PCOLCE2: variants seen among roughly 807,000 people sequenced by gnomAD.
PCOLCE2 encodes the protein procollagen C-endopeptidase enhancer 2, also known as procollagen C-proteinase enhancer 2.
Under a neutral mutation model 47.0 loss-of-function variants are expected in PCOLCE2, and 42 were observed. That is an observed-to-expected ratio of 0.89 (90% CI 0.70 to 1.16). PCOLCE2 has a LOEUF of 1.16. PCOLCE2 is among the 50% of genes most tolerant of loss of function. The pLI, the probability that PCOLCE2 is intolerant of heterozygous loss-of-function variation, is 0.00. For missense variants in PCOLCE2, 500 were observed against 526.1 expected, an observed-to-expected ratio of 0.95 and a Z score of 0.49; for synonymous variants, 169 against 191.7, an observed-to-expected ratio of 0.88 and a Z score of 0.98.
chr3:142,830,568 T>C (rs964348448), intron 5 of PCOLCE2, among the ~76,000 whole-genome samples: 1 of 152,240 alleles, frequency 6.6e-6, no homozygotes, highest in Non-Finnish European at 1.5e-5. Flanking sequence ...GTGATGAATC[T>C]GTTTTGGTGT....
intron 6 of PCOLCE2, among the ~76,000 whole-genome samples, chr3:142,825,146 G>C (rs1937060510): frequency 6.6e-6 from 1 of 152,174 alleles, no homozygotes; most frequent in African/African-American, 2.4e-5. Flanking sequence ...TAAATTTATG[G>C]AATTAAATTT....
intron 2 of PCOLCE2, 148 bp from the exon 3 acceptor site, chr3:142,848,620 C>T (rs1490447501): frequency 6.1e-6 from 4 of 656,084 alleles, no homozygotes; most frequent in Non-Finnish European, 7.4e-6. Flanking sequence ...GGGAAGTTTT[C>T]TAGCATATTG....
chr3:142,885,824 T>C (rs978445929), intron 2 of PCOLCE2, among the ~76,000 whole-genome samples: 4 of 152,082 alleles, frequency 2.6e-5, no homozygotes, highest in Non-Finnish European at 5.9e-5. Context: ...AAAACAAAAT[T>C]CAAACTCTCC....
chr3:142,886,575 T>C (rs1207835334), intron 2 of PCOLCE2, among the ~76,000 whole-genome samples: 1 of 152,208 alleles, frequency 6.6e-6, no homozygotes, highest in Admixed American at 6.5e-5. Flanking sequence ...ATGTAAGAGC[T>C]GAGTTTTATA....
intron 2 of PCOLCE2, among the ~76,000 whole-genome samples, chr3:142,878,339 C>T (rs1933540483): frequency 6.6e-6 from 1 of 152,028 alleles, no homozygotes; most frequent in African/African-American, 2.4e-5. Context: ...CTCTCGTGAT[C>T]GACCAAATAA....
At chr3:142,888,689 G>A (rs1324784602) in intron 1 of PCOLCE2, 125 bp downstream of exon 1, 6 of 535,286 alleles carry the variant, frequency 1.1e-5, no homozygotes, top group Middle Eastern at 4.1e-4. Flanking sequence ...CACCGCGCGG[G>A]AGCGCAGGGT....
chr3:142,818,100 C>G lies in PCOLCE2; in HGVS notation c.*235G>C, dbSNP rs1469285914. The G allele has an allele frequency of 2.5e-6, 1 of 399,076 alleles. No individual in the cohort carries two copies. The highest frequency in any genetic ancestry group is 4.0e-5 in the East Asian group (1 of 25,040). 24.7% of individuals were successfully genotyped at this position (399,076 alleles called of 1,614,324 possible). ...CTTGACACTTTTAGCTTCCTATCAC[C>G]GCACTAAGTCGGCAGGTTTCCAATC... is the stretch of plus-strand genomic sequence containing the variant. On this transcript the variant is annotated 3_prime_UTR_variant, in exon 9 of 9. Transcript: ENST00000295992.
intron 2 of PCOLCE2, among the ~76,000 whole-genome samples, chr3:142,880,052 CA>C (rs200703960): frequency 6.7e-6 from 1 of 148,928 alleles, no homozygotes; most frequent in East Asian, 2.0e-4. Flanking sequence ...CCCACCCCCC[CA>C]AAAAAAACCA....
At chr3:142,876,595 G>C (rs1239678372) in intron 2 of PCOLCE2, among the ~76,000 whole-genome samples, 1 of 152,200 alleles carries the variant, frequency 6.6e-6, no homozygotes, top group East Asian at 1.9e-4. Context: ...TTTACTACCA[G>C]TTAGGAGCTT....
intron 4 of PCOLCE2, among the ~76,000 whole-genome samples, chr3:142,840,993 C>T (rs1469679820): frequency 2.7e-5 from 4 of 150,504 alleles, no homozygotes; most frequent in South Asian, 2.1e-4. Context: ...GAGAATGGAC[C>T]GAACCCGGGA....
chr3:142,845,486 T>C (rs966754464), intron 3 of PCOLCE2, among the ~76,000 whole-genome samples: 2 of 152,264 alleles, frequency 1.3e-5, no homozygotes. Context: ...ATGACCTTCA[T>C]TCCTTCTGTT....
rs775219845 is a variant in PCOLCE2, at chr3:142,820,884, T to C, written c.1111A>G (p.Arg371Gly). ...CAGTTTTCTCCCTACTCACCTCTTC[T>C]GAGGAGAGGGCACTGCTTGCAGACG... is the stretch of plus-strand genomic sequence containing the variant. The part of the protein sequence containing the change: ...TVVCKQCPLL[R>G]RGLNYIIMGQ... Residue 371 changes from arginine (R) to glycine (G), a missense_variant, in exon 8 of 9, where the codon AGA (arginine) becomes GGA (glycine). Coordinates refer to ENST00000295992, the MANE Select transcript of PCOLCE2 (RefSeq NM_013363.4). 1.2e-6 allele frequency: 2 copies of C among 1,612,184 alleles called. No homozygotes were observed. The highest frequency in any genetic ancestry group is 1.7e-5 in the Admixed American group (1 of 59,990).
intron 5 of PCOLCE2, among the ~76,000 whole-genome samples, chr3:142,832,375 C>T (rs1937160578): frequency 6.6e-6 from 1 of 152,150 alleles, no homozygotes; most frequent in African/African-American, 2.4e-5. Flanking sequence ...GAAGCCAACT[C>T]AACCCTCCTG....
rs1283755079 is a variant in PCOLCE2 at position 142,842,194 on chromosome 3, T to C, written c.573+730A>G. Among the ~76,000 whole-genome samples, 1 of 152,198 alleles carries C rather than the reference T, an allele frequency of 6.6e-6. No individual in the cohort carries two copies. Among genetic ancestry groups the C allele is most frequent in the East Asian group, 1.9e-4 (1 of 5,196 alleles). The stretch of plus-strand genomic sequence containing the variant: ...TTGTTGAGGCAAAGCATCCACACTT[T>C]TTTATTTAGTCACTAGAATAACTAT... On this transcript the variant is annotated intron_variant, in intron 4 of 8. Transcript: ENST00000295992. The surrounding 1 kb of genome is among the most constrained non-coding windows in gnomAD (Gnocchi z 4.1).
At chr3:142,866,324 C>G (rs535973139) in intron 2 of PCOLCE2, among the ~76,000 whole-genome samples, 1 of 152,262 alleles carries the variant, frequency 6.6e-6, no homozygotes, top group South Asian at 2.1e-4. Flanking sequence ...ATCAGAACTC[C>G]TGGCTCTCAG....
intron 2 of PCOLCE2, 42 bp from the exon 3 acceptor site, chr3:142,848,514 A>T: frequency 6.5e-7 from 1 of 1,537,342 alleles, no homozygotes; most frequent in Non-Finnish European, 8.9e-7. Flanking sequence ...CATGAAAACA[A>T]TATCTGAGGC....
At chr3:142,837,275 G>C (rs1390779047) in intron 5 of PCOLCE2, among the ~76,000 whole-genome samples, 1 of 152,204 alleles carries the variant, frequency 6.6e-6, no homozygotes, top group Non-Finnish European at 1.5e-5. Flanking sequence ...AACTGTAAGA[G>C]AATACATTTG....
intron 2 of PCOLCE2, among the ~76,000 whole-genome samples, chr3:142,883,267 T>C (rs1459946309): frequency 6.6e-6 from 1 of 151,206 alleles, no homozygotes; most frequent in East Asian, 1.9e-4. Flanking sequence ...TCAAGGAGAG[T>C]TCCCAGAAGA....
intron 6 of PCOLCE2, among the ~76,000 whole-genome samples, chr3:142,825,168 T>G (rs964872189): frequency 2.0e-5 from 3 of 152,168 alleles, no homozygotes; most frequent in Non-Finnish European, 4.4e-5. Context: ...CTCAGTTAAC[T>G]GAGTCAAAAA....
Sources: allele counts gnomAD v4.1 joint callset (sites outside exome capture counted in the v4.1 genomes callset), GRCh38; gene constraint gnomAD v4.1.1; non-coding constraint Gnocchi (gnomAD v3.1); transcripts MANE v1.5; gene names NCBI Gene and HGNC (gene_info 2026-07-23, HGNC 2026-07-21).